CIRSR: variants seen among roughly 807,000 people sequenced by gnomAD.
CIRSR encodes corepressor of RBPJ and splicing regulator.
the CIRSR span, chr2:174,351,503 G>A: frequency 2.8e-6 from 2 of 711,786 alleles, no homozygotes; most frequent in East Asian, 2.9e-5. Context: ...CATTTTCTTT[G>A]CTCTATCTTA....
the CIRSR span, among the ~76,000 whole-genome samples, chr2:174,378,219 A>G: frequency 6.6e-6 from 1 of 152,226 alleles, no homozygotes; most frequent in African/African-American, 2.4e-5. Flanking sequence ...GAGTTATACT[A>G]TCACCCTTAT....
chr2:174,370,467 A>G, the CIRSR span, among the ~76,000 whole-genome samples: 457 of 152,316 alleles, frequency 3.0e-3, 1 homozygote, highest in Middle Eastern at 0.02. Flanking sequence ...TAATAGATAG[A>G]ATTTTGCTTT....
chr2:174,383,849 C>CAA, the CIRSR span, among the ~76,000 whole-genome samples: 11,145 of 121,112 alleles, frequency 0.092, 612 homozygotes, highest in Non-Finnish European at 0.15. Context: ...AGCTATCTTC[C>CAA]AAAAAAAAAA....
the CIRSR span, chr2:174,378,640 A>G: frequency 2.6e-6 from 1 of 384,066 alleles, no homozygotes; most frequent in East Asian, 6.3e-5. Flanking sequence ...TTTTTAGGCT[A>G]CTAGCCTGAT....
the CIRSR span, chr2:174,350,569 C>A: frequency 1.4e-6 from 1 of 737,082 alleles, no homozygotes; most frequent in Non-Finnish European, 2.1e-6. Context: ...GTATAAGGAC[C>A]TTCATGAGCT....
At chr2:174,367,699 G>A in the CIRSR span, among the ~76,000 whole-genome samples, 1 of 136,136 alleles carries the variant, frequency 7.3e-6, no homozygotes, top group East Asian at 2.2e-4. Flanking sequence ...CTATGACCTC[G>A]CCACTGCACT....
the CIRSR span, chr2:174,380,173 T>C: frequency 6.7e-7 from 1 of 1,492,714 alleles, no homozygotes; most frequent in Non-Finnish European, 9.1e-7. Context: ...TAAAAATTAT[T>C]CTTACAGAGT....
the CIRSR span, among the ~76,000 whole-genome samples, chr2:174,373,945 T>C: frequency 6.6e-6 from 1 of 152,172 alleles, no homozygotes; most frequent in Non-Finnish European, 1.5e-5. Context: ...TTCACCAAAC[T>C]TTCAGATCGT....
the CIRSR span, among the ~76,000 whole-genome samples, chr2:174,366,626 G>C: frequency 6.6e-6 from 1 of 152,146 alleles, no homozygotes; most frequent in African/African-American, 2.4e-5. Context: ...GTTTGAGAAA[G>C]AAATGAAGTT....
chr2:174,350,797 A>C, the CIRSR span: 18 of 1,290,998 alleles, frequency 1.4e-5, no homozygotes, highest in Non-Finnish European at 2.0e-5. Context: ...CAAGGTAGTT[A>C]GTAGATAAAA....
chr2:174,350,224 T>G, the CIRSR span, among the ~76,000 whole-genome samples: 1 of 152,300 alleles, frequency 6.6e-6, no homozygotes, highest in South Asian at 2.1e-4. Context: ...AGACATTTCT[T>G]GGATTCTTTT....
chr2:174,389,250 G>A, the CIRSR span, among the ~76,000 whole-genome samples: 1 of 152,124 alleles, frequency 6.6e-6, no homozygotes, highest in Non-Finnish European at 1.5e-5. Flanking sequence ...AGGAAGATGT[G>A]GGAAAGTATG....
the CIRSR span, among the ~76,000 whole-genome samples, chr2:174,352,834 G>A: frequency 1.3e-5 from 2 of 152,186 alleles, no homozygotes; most frequent in Non-Finnish European, 2.9e-5. Context: ...CTGCCAAAAA[G>A]GAGTTCATAC....
At chr2:174,395,197 C>G in the CIRSR span, among the ~76,000 whole-genome samples, 1 of 152,108 alleles carries the variant, frequency 6.6e-6, no homozygotes, top group Non-Finnish European at 1.5e-5. Flanking sequence ...CTTCTTTGTA[C>G]AGAAAAGTAG....
the CIRSR span, among the ~76,000 whole-genome samples, chr2:174,388,617 T>G: frequency 6.6e-6 from 1 of 152,188 alleles, no homozygotes; most frequent in Non-Finnish European, 1.5e-5. Context: ...CCTTCCAAGA[T>G]GTTCTAATAT....
the CIRSR span, among the ~76,000 whole-genome samples, chr2:174,377,892 G>A: frequency 2.0e-5 from 3 of 149,694 alleles, no homozygotes; most frequent in East Asian, 4.1e-4. Flanking sequence ...AGGAGAACTG[G>A]CACTTTGAAC....
chr2:174,379,702 A>G, the CIRSR span, among the ~76,000 whole-genome samples: 2 of 150,200 alleles, frequency 1.3e-5, no homozygotes, highest in Non-Finnish European at 3.0e-5. Context: ...TCACTATAAA[A>G]GTTTGATTCC....
At chr2:174,356,529 A>AAG in the CIRSR span, among the ~76,000 whole-genome samples, 26 of 149,330 alleles carry the variant, frequency 1.7e-4, no homozygotes, top group East Asian at 2.8e-3. Context: ...GAAAGAAAGA[A>AAG]GAAAGGAAGG....
the CIRSR span, among the ~76,000 whole-genome samples, chr2:174,362,685 TCAAAAAAAA>T: frequency 1.2e-5 from 1 of 83,992 alleles, no homozygotes; most frequent in African/African-American, 8.0e-5. Flanking sequence ...AGACTCTGCC[TCAAAAAAAA>T]AAAAAAAAAA....
Sources: gnomAD v4.1 joint callset for allele counts (sites outside exome capture counted in the v4.1 genomes callset) on GRCh38, gnomAD v4.1.1 for gene constraint, MANE v1.5 for transcripts, NCBI Gene and HGNC (gene_info 2026-07-23, HGNC 2026-07-21) for gene names.